Variants in NRG3 observed in about 807,000 individuals in gnomAD.
NRG3 encodes the protein pro-neuregulin-3, membrane-bound isoform.
A neutral mutation model predicts 66.9 loss-of-function variants in NRG3; 31 were observed. The observed-to-expected ratio is 0.46, with a 90% confidence interval of 0.35 to 0.63. The LOEUF is 0.63. NRG3 is among the 20% of genes least tolerant of loss of function. NRG3 has a pLI of 0.00. For synonymous variants in NRG3, 393 were observed against 359.4 expected (o/e 1.09, Z -1.06); for missense variants, 910 against 878.9 (o/e 1.04, Z -0.45).
intron 2 of NRG3, among the ~76,000 whole-genome samples, chr10:82,583,764 T>C (rs1021659013): frequency 3.3e-5 from 5 of 152,196 alleles, no homozygotes; most frequent in African/African-American, 1.2e-4. Context: ...GCCATCACTA[T>C]TAATTTTTGA....
At chr10:81,956,006 G>T (rs933752563) in intron 1 of NRG3, among the ~76,000 whole-genome samples, 1 of 152,142 alleles carries the variant, frequency 6.6e-6, no homozygotes, top group Non-Finnish European at 1.5e-5. Context: ...CTGTTGCTTA[G>T]ATGTGGCAGA....
intron 2 of NRG3, among the ~76,000 whole-genome samples, chr10:82,516,152 G>A (rs1208399950): frequency 1.3e-5 from 2 of 152,088 alleles, no homozygotes; most frequent in Non-Finnish European, 2.9e-5. Flanking sequence ...GTGTGTGTGT[G>A]TGTGTGTATG....
chr10:82,501,946 A>C (rs1387248549), intron 2 of NRG3, among the ~76,000 whole-genome samples: 2 of 152,128 alleles, frequency 1.3e-5, no homozygotes, highest in African/African-American at 2.4e-5. Flanking sequence ...TGACACCCCA[A>C]ACACTGCCTG....
At chr10:82,941,031 C>G (rs1171710083) in intron 4 of NRG3, among the ~76,000 whole-genome samples, 1 of 152,104 alleles carries the variant, frequency 6.6e-6, no homozygotes, top group Non-Finnish European at 1.5e-5. Context: ...GAAGGTGCTT[C>G]TAGCCTGAAT....
At chr10:82,789,102 A>C (rs1336789842) in intron 3 of NRG3, among the ~76,000 whole-genome samples, 1 of 152,132 alleles carries the variant, frequency 6.6e-6, no homozygotes, top group Non-Finnish European at 1.5e-5. Context: ...TGAAGATTTT[A>C]CATTTCCACC....
At chr10:82,357,261 G>A (rs1002777704) in intron 1 of NRG3, among the ~76,000 whole-genome samples, 7 of 152,314 alleles carry the variant, frequency 4.6e-5, no homozygotes, top group East Asian at 1.9e-4. Flanking sequence ...GCCCTGGTTT[G>A]CCCTACTGTG....
At chr10:82,947,853 C>G (rs1010708983) in intron 4 of NRG3, among the ~76,000 whole-genome samples, 6 of 151,992 alleles carry the variant, frequency 3.9e-5, no homozygotes, top group Admixed American at 3.3e-4. Context: ...GCAATTTTTT[C>G]AGACTGTATC....
At chr10:82,940,538 T>C (rs1848495303) in intron 4 of NRG3, among the ~76,000 whole-genome samples, 1 of 152,150 alleles carries the variant, frequency 6.6e-6, no homozygotes, top group Non-Finnish European at 1.5e-5. Context: ...TTGATCCTCT[T>C]CAAAGACCCT....
intron 1 of NRG3, among the ~76,000 whole-genome samples, chr10:82,039,337 A>G (rs2062927640): frequency 6.6e-6 from 1 of 152,088 alleles, no homozygotes; most frequent in African/African-American, 2.4e-5. Flanking sequence ...GTAATCAGAG[A>G]GCCTATTAGC....
At chr10:82,313,203 G>A (rs1268529277) in intron 1 of NRG3, among the ~76,000 whole-genome samples, 1 of 151,940 alleles carries the variant, frequency 6.6e-6, no homozygotes, top group African/African-American at 2.4e-5. Context: ...TGGGCATGGT[G>A]GTGTGTGCTG....
intron 1 of NRG3, among the ~76,000 whole-genome samples, chr10:82,290,330 C>A (rs1052452480): frequency 6.6e-6 from 1 of 152,170 alleles, no homozygotes; most frequent in African/African-American, 2.4e-5. Flanking sequence ...AGTGCTCTCA[C>A]TGCATTATAA....
At chr10:82,338,384 C>T (rs2082502233) in intron 1 of NRG3, among the ~76,000 whole-genome samples, 1 of 152,162 alleles carries the variant, frequency 6.6e-6, no homozygotes, top group Non-Finnish European at 1.5e-5. Context: ...AGTTAGAAAA[C>T]ATTATGAGTA....
chr10:82,823,856 A>G (rs552310523), intron 3 of NRG3, among the ~76,000 whole-genome samples: 1 of 152,170 alleles, frequency 6.6e-6, no homozygotes, highest in Non-Finnish European at 1.5e-5. Context: ...TTCACGCATT[A>G]TAAAATACAT....
intron 1 of NRG3, among the ~76,000 whole-genome samples, chr10:82,162,808 A>C (rs1184668938): frequency 2.0e-5 from 3 of 152,174 alleles, no homozygotes; most frequent in African/African-American, 7.2e-5. Flanking sequence ...CATAAGCCAA[A>C]GTCCTCCCTT....
At chr10:82,627,524 G>A (rs1159100227) in intron 2 of NRG3, among the ~76,000 whole-genome samples, 1 of 152,018 alleles carries the variant, frequency 6.6e-6, no homozygotes, top group South Asian at 2.1e-4. Context: ...ATAATTCAAA[G>A]CAAGATGGCT....
At chr10:81,886,910 T>A (rs1589353191) in intron 1 of NRG3, among the ~76,000 whole-genome samples, 1 of 152,306 alleles carries the variant, frequency 6.6e-6, no homozygotes, top group East Asian at 1.9e-4. Context: ...TATACCAAAT[T>A]GTTCATGGTA....
chr10:82,845,433 G>T (rs2063264010), intron 3 of NRG3, among the ~76,000 whole-genome samples: 1 of 152,054 alleles, frequency 6.6e-6, no homozygotes, highest in Admixed American at 6.6e-5. Flanking sequence ...TGAAAATGAG[G>T]AATTGGTGAT....
rs908120649 is a variant in NRG3, at chr10:82,260,553, T to C, written c.824-98186T>C. ...CACCAAGAGGTTTGCCATTTATCTT[T>C]TAAGCCATGGCATTTGCAGTGGGAA... On this transcript the variant is annotated intron_variant, in intron 1 of 8. Coordinates refer to ENST00000372141, the MANE Select transcript of NRG3 (RefSeq NM_001010848.4). 7.9e-5 allele frequency among the ~76,000 whole-genome samples: 12 copies of C among 152,298 alleles called. No individual in the cohort carries two copies. The South Asian group carries it at 1.0e-3, about 13-fold the overall frequency.
chr10:82,917,144 T>C (rs1230574040), intron 4 of NRG3, among the ~76,000 whole-genome samples: 3 of 152,134 alleles, frequency 2.0e-5, no homozygotes, highest in African/African-American at 4.8e-5. Flanking sequence ...AGGAATTTGA[T>C]AAGGGGGAAG....
Sources: allele counts gnomAD v4.1 joint callset (sites outside exome capture counted in the v4.1 genomes callset), GRCh38; gene constraint gnomAD v4.1.1; transcripts MANE v1.5; gene names NCBI Gene and HGNC (gene_info 2026-07-23, HGNC 2026-07-21).